The following CHD9 variants were observed in gnomAD, a reference collection of about 807,000 sequenced individuals.
The protein encoded by CHD9 is ATP-dependent chromatin remodeler CHD9.
A neutral mutation model predicts 316.1 loss-of-function variants in CHD9; 77 were observed. The observed-to-expected ratio is 0.24, with a 90% CI of 0.20 to 0.29. The LOEUF (loss-of-function observed/expected upper bound fraction) is 0.29. Ranked by LOEUF, CHD9 falls within the 10% of genes least tolerant of loss-of-function variation. The pLI is 1.00. For synonymous variants in CHD9, 1,129 were observed against 1,158.3 expected, an observed-to-expected ratio of 0.97 and a Z score of 0.51; for missense variants, 2,763 against 3,438.1, an observed-to-expected ratio of 0.80 and a Z score of 4.91.
At chr16:53,300,209 C>T (rs898584878) in intron 30 of CHD9, among the ~76,000 whole-genome samples, 10 of 152,118 alleles carry the variant, frequency 6.6e-5, no homozygotes, top group Middle Eastern at 3.4e-3. Context: ...AAAAATTAGC[C>T]GGGTGTAGTG....
chr16:53,152,521 CAG>C (rs1005446221), intron 1 of CHD9, among the ~76,000 whole-genome samples: 1 of 152,112 alleles, frequency 6.6e-6, no homozygotes. Flanking sequence ...GAGCTGAAGG[CAG>C]AGAGCTGTTC....
At position 53,303,782 on chromosome 16, in the gene CHD9, T is replaced by C. The variant is rs1355719626; in HGVS notation, c.5776T>C (p.Tyr1926His). ...ITEERASRTL[Y>H]RIELLRKVRE... ...AGAAGAACGTGCTTCTAGGACTTTG[T>C]ATCGCATTGAACTTCTAAGGAAAGT... is the stretch of plus-strand genomic sequence containing the variant. The change falls in exon 31 of 39, where the codon TAT (tyrosine) becomes CAT (histidine). Residue 1926 changes from tyrosine to histidine, a missense_variant. Tyr to His is a moderately conservative substitution (Grantham distance 83). Around this residue, in one of 15 missense-constraint regions of CHD9, gnomAD observed 663 missense variants for 751.2 expected, o/e 0.88. Transcript: ENST00000447540. 3.7e-6 allele frequency: 6 copies of C among 1,613,928 alleles called. No individual in the cohort carries two copies. The highest frequency in any genetic ancestry group is 1.7e-5 in the Admixed American group (1 of 60,004).
chr16:53,211,724 A>G (rs1022995231), intron 3 of CHD9, among the ~76,000 whole-genome samples: 1 of 135,596 alleles, frequency 7.4e-6, no homozygotes, highest in East Asian at 2.1e-4. Context: ...TTAGAGTAAA[A>G]CAGTGTCAAT....
intron 28 of CHD9, 51 bp downstream of exon 28, chr16:53,291,818 A>G: frequency 8.8e-7 from 1 of 1,141,820 alleles, no homozygotes; most frequent in East Asian, 2.7e-5. Context: ...TCACATTCTA[A>G]TCATACCATG....
chr16:53,239,696 T>G (rs144649265), intron 12 of CHD9, among the ~76,000 whole-genome samples: 50 of 152,242 alleles, frequency 3.3e-4, no homozygotes, highest in East Asian at 2.1e-3. Context: ...GTGCATAGCC[T>G]TCTACTTTTG....
intron 1 of CHD9, among the ~76,000 whole-genome samples, chr16:53,072,737 C>A (rs976786519): frequency 6.6e-6 from 1 of 151,834 alleles, no homozygotes; most frequent in Non-Finnish European, 1.5e-5. Context: ...GCTCTTTGCC[C>A]AGGCTACAGT....
At chr16:53,121,543 T>C (rs946793440) in intron 1 of CHD9, 1 of 406,924 alleles carries the variant, frequency 2.5e-6, no homozygotes, top group African/African-American at 2.1e-5. Context: ...AGATAAAACT[T>C]GGAGACTCTA....
At chr16:53,073,248 A>T (rs1483834547) in intron 1 of CHD9, among the ~76,000 whole-genome samples, 1 of 152,208 alleles carries the variant, frequency 6.6e-6, no homozygotes, top group Admixed American at 6.5e-5. Flanking sequence ...GTTTTTGGTG[A>T]CTGGCTAATT....
chr16:53,222,920 A>G (rs537298807), intron 4 of CHD9, among the ~76,000 whole-genome samples, 165 bp downstream of exon 4: 2 of 152,356 alleles, frequency 1.3e-5, no homozygotes, highest in African/African-American at 4.8e-5. Context: ...TAATATTACC[A>G]TAGAATATTA....
chr16:53,320,631 TACTC>T (rs976194512), intron 37 of CHD9, among the ~76,000 whole-genome samples: 3 of 152,160 alleles, frequency 2.0e-5, no homozygotes, highest in African/African-American at 7.2e-5. Flanking sequence ...AAGAAGAAAT[TACTC>T]AAGAAATATT....
In CHD9 at chr16:53,303,747, A is replaced by T. The variant is rs1471813191; in HGVS notation, c.5741A>T (p.Gln1914Leu). The change falls in exon 31 of 39, where the codon CAG (glutamine) becomes CTG (leucine). Residue 1914 changes from glutamine to leucine, a missense_variant. This residue lies in a region of CHD9 where 663 missense variants were observed against 751.2 expected (regional missense o/e 0.88). Transcript: ENST00000447540. The stretch of plus-strand genomic sequence containing the variant: ...TTGGTGGATCCAAATATTTTTATCC[A>T]GCCCATCACAGAAGAACGTGCTTCT... ...EELVDPNIFI[Q>L]PITEERASRT... is the part of the protein sequence containing the mutation. 1.2e-6 allele frequency: 2 copies of T among 1,604,370 alleles called. No homozygotes were observed. Among genetic ancestry groups the T allele is most frequent in the Admixed American group, 3.4e-5 (2 of 58,520 alleles).
chr16:53,173,910 A>G (rs766551304), intron 2 of CHD9, among the ~76,000 whole-genome samples: 15 of 152,088 alleles, frequency 9.9e-5, no homozygotes, highest in Admixed American at 2.6e-4. Flanking sequence ...TTATTCTATT[A>G]TAGGCATTTG....
At chr16:53,188,347 T>C (rs2044200971) in intron 2 of CHD9, among the ~76,000 whole-genome samples, 1 of 152,198 alleles carries the variant, frequency 6.6e-6, no homozygotes, top group African/African-American at 2.4e-5. Context: ...ATGGAATTGC[T>C]GGATTATATA....
At chr16:53,294,467 C>T (rs1374542503) in intron 29 of CHD9, among the ~76,000 whole-genome samples, 2 of 152,134 alleles carry the variant, frequency 1.3e-5, no homozygotes, top group Non-Finnish European at 2.9e-5. Context: ...TTTTATTTCT[C>T]CCAATTCTGT....
intron 18 of CHD9, among the ~76,000 whole-genome samples, chr16:53,254,861 T>A (rs1317161278): frequency 6.6e-6 from 1 of 152,250 alleles, no homozygotes; most frequent in Non-Finnish European, 1.5e-5. Flanking sequence ...GACATTTGTA[T>A]GATGGCATAG....
intron 3 of CHD9, among the ~76,000 whole-genome samples, chr16:53,216,529 G>C (rs2046775697): frequency 6.6e-6 from 1 of 152,144 alleles, no homozygotes; most frequent in South Asian, 2.1e-4. Flanking sequence ...CATAATCTGA[G>C]AATAAAGGGA....
intron 2 of CHD9, among the ~76,000 whole-genome samples, chr16:53,176,306 T>TTTTTG (rs1452722138): frequency 3.5e-4 from 53 of 152,316 alleles, no homozygotes; most frequent in African/African-American, 1.2e-3. Context: ...CACCCTAATG[T>TTTTTG]TTTTGTTTTG....
chr16:53,153,568 A>G (rs2041283350), intron 1 of CHD9, among the ~76,000 whole-genome samples: 1 of 152,108 alleles, frequency 6.6e-6, no homozygotes. Flanking sequence ...TCTCTCTGTT[A>G]CCCAGGCTAG....
rs2048192283 is a variant in CHD9, at chr16:53,231,739, A to G, written c.2466A>G (p.Glu822=). 6.2e-7 allele frequency: 1 copy of G among 1,612,090 alleles called. No individual in the cohort carries two copies. The highest frequency in any genetic ancestry group is 1.1e-5 in the South Asian group (1 of 90,892). ...LKEDVDLAKI[E]EFEQLQASRP... is the part of the protein sequence containing the mutation. Reference sequence around the variant, plus strand: ...AAGATGTAGATCTTGCAAAAATAGAAGAGTTTGAACAACTGCAAGCTTCAA... The same window carrying G: ...AAGATGTAGATCTTGCAAAAATAGAGGAGTTTGAACAACTGCAAGCTTCAA... Residue 822 remains glutamate, a synonymous_variant, in exon 10 of 39, where the codon GAA becomes GAG. Coordinates refer to ENST00000447540, the MANE Select transcript of CHD9 (RefSeq NM_001308319.2).
Sources: allele counts gnomAD v4.1 joint callset (sites outside exome capture counted in the v4.1 genomes callset), GRCh38; gene constraint gnomAD v4.1.1; regional missense constraint gnomAD v4.1.1; transcripts MANE v1.5; gene names NCBI Gene and HGNC (gene_info 2026-07-23, HGNC 2026-07-21).